Variants in SCFD1 observed in about 807,000 individuals in gnomAD.
SCFD1 encodes sec1 family domain containing 1, also known as sec1 family domain-containing protein 1.
A neutral mutation model predicts 103.2 loss-of-function variants in SCFD1; 37 were observed. The ratio of observed to expected loss-of-function variants is 0.36; its 90% CI spans 0.28 to 0.47. The LOEUF (loss-of-function observed/expected upper bound fraction) is 0.47. SCFD1 is among the 20% of genes least tolerant of loss of function. SCFD1 has a pLI of 1.00. For missense variants in SCFD1, 639 were observed against 761.2 expected, an observed-to-expected ratio of 0.84 and a Z score of 1.89; for synonymous variants, 264 against 245.0, an observed-to-expected ratio of 1.08 and a Z score of -0.73.
At chr14:30,681,157 G>A (rs1054894050) in intron 14 of SCFD1, among the ~76,000 whole-genome samples, 5 of 150,846 alleles carry the variant, frequency 3.3e-5, no homozygotes, top group African/African-American at 1.2e-4. Context: ...GGAGGCAAAG[G>A]TTGCAGTGAG....
chr14:30,625,384 C>T (rs1407315262), intron 1 of SCFD1, among the ~76,000 whole-genome samples: 2 of 152,092 alleles, frequency 1.3e-5, no homozygotes, highest in African/African-American at 4.8e-5. Context: ...AATCCGAGCA[C>T]CAGCTTAAAA....
At chr14:30,691,504 A>G (rs1403242836) in intron 14 of SCFD1, among the ~76,000 whole-genome samples, 1 of 152,196 alleles carries the variant, frequency 6.6e-6, no homozygotes, top group African/African-American at 2.4e-5. Flanking sequence ...TCTCTTATGC[A>G]GGTTAGAAAA....
At chr14:30,659,189 T>C (rs1887200728) in intron 10 of SCFD1, among the ~76,000 whole-genome samples, 1 of 151,464 alleles carries the variant, frequency 6.6e-6, no homozygotes, top group South Asian at 2.1e-4. Context: ...TTTTTTTTTT[T>C]TGCCTTATAT....
chr14:30,722,582 A>G (rs1892725340), intron 23 of SCFD1, 23 bp downstream of exon 23: 2 of 1,497,498 alleles, frequency 1.3e-6, no homozygotes, highest in Non-Finnish European at 1.8e-6. Flanking sequence ...TAGCCTTTTT[A>G]TTCTGTTGTT....
intron 15 of SCFD1, among the ~76,000 whole-genome samples, 167 bp downstream of exon 15, chr14:30,695,036 T>C (rs1432131909): frequency 6.6e-6 from 1 of 152,242 alleles, no homozygotes; most frequent in Admixed American, 6.5e-5. Context: ...TAGCAGTTCC[T>C]ACAGTGGAAA....
intron 18 of SCFD1, 139 bp from the exon 19 acceptor site, chr14:30,707,851 C>CCTT: frequency 1.3e-6 from 1 of 742,364 alleles, no homozygotes; most frequent in Non-Finnish European, 2.5e-6. Flanking sequence ...TTCTCAAGAC[C>CCTT]CTTCTGTTTA....
chr14:30,722,563 C>A lies in SCFD1; in HGVS notation c.1836+4C>A. 1.3e-6 allele frequency: 2 copies of A among 1,577,630 alleles called. No individual in the cohort carries two copies. Among genetic ancestry groups the A allele is most frequent in the Non-Finnish European group, 1.7e-6 (2 of 1,155,458 alleles). On this transcript the variant is annotated splice_donor_region_variant and intron_variant, in intron 23 of 24. Transcript: ENST00000458591. ...GAATCTTGTTGACTACATAAAGGTA[C>A]ATTTTATTTAGCCTTTTTATTCTGT...
chr14:30,668,148 A>C (rs546131818), intron 10 of SCFD1, among the ~76,000 whole-genome samples: 1 of 152,212 alleles, frequency 6.6e-6, no homozygotes, highest in African/African-American at 2.4e-5. Context: ...ACTTCAAACT[A>C]TACTACAAGG....
chr14:30,691,148 A>T (rs1343746023), intron 14 of SCFD1, among the ~76,000 whole-genome samples: 1 of 152,198 alleles, frequency 6.6e-6, no homozygotes, highest in Non-Finnish European at 1.5e-5. Context: ...CTGTATTTGG[A>T]TCTCAACTCT....
rs1886207541 is a variant in SCFD1, at chr14:30,649,592, A to G, written c.669+9A>G. 6.4e-7 allele frequency: 1 copy of G among 1,565,478 alleles called. No homozygotes were observed. The highest frequency in any genetic ancestry group is 1.4e-5 in the African/African-American group (1 of 71,174). The stretch of plus-strand genomic sequence containing the variant: ...CAGAAATGGTAGCAGTGGTAAGTTC[A>G]TGCGGATATCACGTGGAGATAAATA... On this transcript the variant is annotated intron_variant, in intron 8 of 24. Transcript: ENST00000458591.
upstream of SCFD1, chr14:30,622,303 C>A (rs374513591): frequency 5.7e-5 from 91 of 1,593,470 alleles, no homozygotes; most frequent in Admixed American, 4.2e-4. Context: ...CCCCCCGCTC[C>A]GCTCCCCAGC....
Position 30,639,759 on chromosome 14 carries a change from C to A in SCFD1, c.436-18C>A. Reference sequence around the variant, plus strand: ...TATATTGTAAGATTGATTTGTAAACCTTTTCTTTTGTTTCTAGGTTTTTGA... The same window carrying A: ...TATATTGTAAGATTGATTTGTAAACATTTTCTTTTGTTTCTAGGTTTTTGA... On this transcript the variant is annotated intron_variant, in intron 5 of 24. Transcript: ENST00000458591. 6.4e-7 allele frequency: 1 copy of A among 1,552,356 alleles called. No individual in the cohort carries two copies.
At chr14:30,659,068 A>G (rs1198993244) in intron 10 of SCFD1, among the ~76,000 whole-genome samples, 1 of 151,976 alleles carries the variant, frequency 6.6e-6, no homozygotes, top group Non-Finnish European at 1.5e-5. Context: ...GTGTTTCAGT[A>G]TATCTCCATA....
At chr14:30,725,926 A>T (rs953322483) in intron 23 of SCFD1, among the ~76,000 whole-genome samples, 1 of 152,128 alleles carries the variant, frequency 6.6e-6, no homozygotes, top group Non-Finnish European at 1.5e-5. Context: ...CCTAGTCTTG[A>T]CTCTAGCACA....
At chr14:30,664,663 T>C (rs965737448) in intron 10 of SCFD1, among the ~76,000 whole-genome samples, 4 of 152,178 alleles carry the variant, frequency 2.6e-5, no homozygotes, top group Admixed American at 2.0e-4. Context: ...ATTAAAAGAA[T>C]GGCTAACTAG....
At chr14:30,627,112 T>C (rs1191277541) in intron 1 of SCFD1, among the ~76,000 whole-genome samples, 1 of 152,180 alleles carries the variant, frequency 6.6e-6, no homozygotes, top group African/African-American at 2.4e-5. Flanking sequence ...ACTAGTATAC[T>C]CTCTTGAATA....
At chr14:30,720,559 T>G (rs1392480381) in intron 21 of SCFD1, among the ~76,000 whole-genome samples, 1 of 152,086 alleles carries the variant, frequency 6.6e-6, no homozygotes, top group Non-Finnish European at 1.5e-5. Context: ...TCGAAAATAT[T>G]TGGGGGGAAA....
upstream of SCFD1, chr14:30,622,258 C>G: frequency 6.4e-7 from 1 of 1,568,706 alleles, no homozygotes; most frequent in Non-Finnish European, 8.6e-7. Flanking sequence ...CCCTTCCGGG[C>G]TTTGCTTCCG....
chr14:30,679,138 G>A (rs1175446739), intron 14 of SCFD1, among the ~76,000 whole-genome samples: 3 of 152,066 alleles, frequency 2.0e-5, no homozygotes, highest in Admixed American at 6.5e-5. Context: ...GATGCCCTCT[G>A]TAAACCACAG....
Sources: allele counts gnomAD v4.1 joint callset (sites outside exome capture counted in the v4.1 genomes callset), GRCh38; gene constraint gnomAD v4.1.1; transcripts MANE v1.5; gene names NCBI Gene and HGNC (gene_info 2026-07-23, HGNC 2026-07-21).